The following NLRP8 variants were observed in gnomAD, a reference collection of about 807,000 sequenced individuals.
NLRP8 encodes NACHT, LRR and PYD domains-containing protein 8.
NLRP8 carries 86 observed loss-of-function variants against 88.7 expected under a neutral mutation model. That is an observed-to-expected ratio of 0.97 (90% CI 0.81 to 1.16). NLRP8 has a LOEUF of 1.16. Among genes scored for constraint, NLRP8 ranks in the 50% most tolerant of loss-of-function variants. The probability of loss-of-function intolerance (pLI) is 0.00; values close to 1 mark genes in which losing one functional copy is unlikely to be tolerated. For missense variants in NLRP8, 1,342 were observed against 1,286.5 expected (o/e 1.04, Z -0.66); for synonymous variants, 504 against 494.6 (o/e 1.02, Z -0.25).
chr19:55,962,300 T>G, intron 4 of NLRP8, 63 bp downstream of exon 4: 1 of 1,512,410 alleles, frequency 6.6e-7, no homozygotes, highest in Non-Finnish European at 9.0e-7. Context: ...CCCATCCACT[T>G]TCTTCATTCC....
intron 3 of NLRP8, among the ~76,000 whole-genome samples, chr19:55,961,773 G>A (rs977784228): frequency 1.3e-5 from 2 of 152,186 alleles, no homozygotes; most frequent in Non-Finnish European, 2.9e-5. Flanking sequence ...ACTCCAGCCT[G>A]GGCGGCAGAG....
intron 9 of NLRP8, among the ~76,000 whole-genome samples, chr19:55,985,687 A>G (rs1369789899): frequency 6.6e-6 from 1 of 152,222 alleles, no homozygotes; most frequent in Non-Finnish European, 1.5e-5. Context: ...ATAAATTTTA[A>G]AATGCATTCA....
chr19:55,984,509 C>T (rs375405959), intron 9 of NLRP8, among the ~76,000 whole-genome samples: 2 of 150,800 alleles, frequency 1.3e-5, no homozygotes, highest in Non-Finnish European at 1.5e-5. Context: ...ACAAAATTAG[C>T]CAGGCGTGGT....
chr19:55,955,033 T>C lies in NLRP8; in HGVS notation c.975T>C (p.Leu325=). The C allele has an allele frequency of 6.2e-7, 1 of 1,614,098 alleles. No homozygotes were observed. ...GCAGTTTGCTGAGCAAAACGATGCT[T>C]CCAGAGGCCACGCTACTGATCATGA... is the stretch of plus-strand genomic sequence containing the variant. Residue 325 remains leucine, a synonymous_variant, in exon 3 of 10, where the codon CTT becomes CTC. Transcript: ENST00000291971.
At chr19:55,954,450 G>T (rs1979235985) in intron 2 of NLRP8, 51 bp from the exon 3 acceptor site, 1 of 1,553,678 alleles carries the variant, frequency 6.4e-7, no homozygotes, top group Non-Finnish European at 8.8e-7. Flanking sequence ...ATTAGTTCTT[G>T]CAATTCACTC....
At chr19:55,986,775 A>G (rs945687785) in intron 9 of NLRP8, among the ~76,000 whole-genome samples, 2 of 151,570 alleles carry the variant, frequency 1.3e-5, no homozygotes, top group Non-Finnish European at 2.9e-5. Flanking sequence ...CGTGATTGCC[A>G]GCTGGCCCAG....
chr19:55,950,763 G>A (rs562666012), intron 1 of NLRP8, among the ~76,000 whole-genome samples: 2 of 152,244 alleles, frequency 1.3e-5, no homozygotes, highest in Admixed American at 6.5e-5. Flanking sequence ...GATGGCTCAC[G>A]CCTATAATCC....
At chr19:55,977,341 ATAAG>A (rs1980392533) in intron 8 of NLRP8, among the ~76,000 whole-genome samples, 1 of 145,430 alleles carries the variant, frequency 6.9e-6, no homozygotes, top group South Asian at 2.1e-4. Context: ...TATTATACAT[ATAAG>A]CAATATATTA....
Position 55,948,011 on chromosome 19 carries a change from T to G in NLRP8, c.109T>G (p.Cys37Gly). The G allele has an allele frequency of 6.2e-7, 1 of 1,613,972 alleles. No individual in the cohort carries two copies. Among genetic ancestry groups the G allele is most frequent in the Non-Finnish European group, 8.5e-7 (1 of 1,180,004 alleles). The change falls in exon 1 of 10, where the codon TGT becomes GGT. Residue 37 changes from cysteine (C) to glycine (G), a missense_variant. Transcript: ENST00000291971. ...ATTCTCTTGCTACCCCGGCTCCCCA[T>G]GTGAAAATGGGGTCATGCTGTACAT...
chr19:55,964,065 G>A (rs981007390), intron 4 of NLRP8, among the ~76,000 whole-genome samples: 5 of 152,098 alleles, frequency 3.3e-5, no homozygotes, highest in Admixed American at 6.5e-5. Flanking sequence ...CACTCCATAC[G>A]CTATCTCTCC....
In NLRP8 at chr19:55,973,718, G is replaced by A; in HGVS notation, c.2601G>A (p.Lys867=). The A allele has an allele frequency of 3.7e-6, 6 of 1,614,040 alleles. No homozygotes were observed. The highest frequency in any genetic ancestry group is 5.1e-6 in the Non-Finnish European group (6 of 1,179,968). Residue 867 remains lysine (K), a synonymous_variant, in exon 7 of 10, where the codon AAG becomes AAA. Transcript: ENST00000291971. ...TTGCCTCCTGTCTCAGGCAGAGTAA[G>A]ATGCTGACCCACCTGAGCTTGGCAG... is the stretch of plus-strand genomic sequence containing the variant.
chr19:55,982,600 T>A (rs1050155662), intron 9 of NLRP8, among the ~76,000 whole-genome samples: 3 of 152,164 alleles, frequency 2.0e-5, no homozygotes, highest in Non-Finnish European at 4.4e-5. Context: ...GTGCTGGGAA[T>A]GTACAGAATG....
chr19:55,969,668 A>T (rs1385827066), intron 5 of NLRP8, among the ~76,000 whole-genome samples: 2 of 152,154 alleles, frequency 1.3e-5, no homozygotes, highest in African/African-American at 4.8e-5. Flanking sequence ...TTTAGTTCAG[A>T]CCCCACTTTC....
At chr19:55,951,790 C>G (rs748447834) in intron 1 of NLRP8, among the ~76,000 whole-genome samples, 2 of 152,176 alleles carry the variant, frequency 1.3e-5, no homozygotes, top group Non-Finnish European at 2.9e-5. Flanking sequence ...TACTCTATTA[C>G]CCAGGTTGGA....
intron 3 of NLRP8, among the ~76,000 whole-genome samples, chr19:55,959,412 C>G (rs966109199): frequency 2.6e-5 from 4 of 151,692 alleles, no homozygotes; most frequent in African/African-American, 9.7e-5. Context: ...CGGGGTTTCA[C>G]CCTGTTAGCC....
In NLRP8 at chr19:55,948,186, G is replaced by C. The variant is rs199475833; in HGVS notation, c.284G>C (p.Arg95Pro). 2.5e-6 allele frequency: 4 copies of C among 1,614,158 alleles called. No homozygotes were observed. Among genetic ancestry groups the C allele is most frequent in the East Asian group, 4.5e-5 (2 of 44,872 alleles). ...CTCTTGATAGAGCGTTTCCCTGGAC[G>C]ACGCGCTTGGGATGTGACTTCGAAC... Residue 95 changes from arginine to proline, a missense_variant, in exon 1 of 10, where the codon CGA (arginine) becomes CCA (proline). Coordinates refer to ENST00000291971, the MANE Select transcript of NLRP8 (RefSeq NM_176811.2).
At chr19:55,975,079 G>C (rs79263867) in intron 7 of NLRP8, among the ~76,000 whole-genome samples, 5,655 of 152,260 alleles carry the variant, frequency 0.037, 146 homozygotes, top group Non-Finnish European at 0.06. Context: ...CTACACATGA[G>C]GGCTTTTGTT....
Position 55,947,908 on chromosome 19 carries a change from T to C in NLRP8, c.6T>C (p.Ser2=). ...GTTCTCTGCCTTGACTAAAGATGAG[T>C]GACGTGAATCCACCCTCTGACACCC... Residue 2 remains serine (S), a synonymous_variant, in exon 1 of 10, where the codon AGT becomes AGC. Coordinates refer to ENST00000291971, the MANE Select transcript of NLRP8 (RefSeq NM_176811.2). 6.2e-7 allele frequency: 1 copy of C among 1,608,716 alleles called. No homozygotes were observed. Among genetic ancestry groups the C allele is most frequent in the Non-Finnish European group, 8.5e-7 (1 of 1,176,776 alleles).
At chr19:55,986,509 C>A (rs543240982) in intron 9 of NLRP8, among the ~76,000 whole-genome samples, 8 of 145,624 alleles carry the variant, frequency 5.5e-5, no homozygotes, top group African/African-American at 1.9e-4. Context: ...CACACACACA[C>A]TAATTGCTTC....
Sources: allele counts gnomAD v4.1 joint callset (sites outside exome capture counted in the v4.1 genomes callset), GRCh38; gene constraint gnomAD v4.1.1; transcripts MANE v1.5; gene names NCBI Gene and HGNC (gene_info 2026-07-23, HGNC 2026-07-21).